The following MYL12B variants were observed in gnomAD, a reference collection of about 807,000 sequenced individuals.
MYL12B encodes the protein myosin regulatory light chain 12B.
A neutral mutation model predicts 12.9 loss-of-function variants in MYL12B; 3 were observed. The observed-to-expected ratio is 0.23, with a 90% CI of 0.11 to 0.60. The LOEUF (loss-of-function observed/expected upper bound fraction) is 0.60, where lower values mean the gene tolerates loss of function less well. Ranked by LOEUF, MYL12B falls within the 20% of genes least tolerant of loss-of-function variation. The pLI is 0.89. For missense variants in MYL12B, 120 were observed against 215.4 expected (o/e 0.56, Z 2.77); for synonymous variants, 57 against 71.9 (o/e 0.79, Z 1.05).
intron 1 of MYL12B, among the ~76,000 whole-genome samples, chr18:3,269,020 A>G (rs1419300085): frequency 1.3e-5 from 2 of 152,280 alleles, no homozygotes; most frequent in East Asian, 1.9e-4. Flanking sequence ...GAAAAATAGC[A>G]GGAACAAAGA....
intron 2 of MYL12B, among the ~76,000 whole-genome samples, chr18:3,273,649 C>T (rs1396587474): frequency 6.6e-6 from 1 of 152,112 alleles, no homozygotes; most frequent in African/African-American, 2.4e-5. Flanking sequence ...TGTTTCTTAA[C>T]ATGCATCCTA....
intron 1 of MYL12B, among the ~76,000 whole-genome samples, chr18:3,263,448 T>G (rs189418491): frequency 6.6e-6 from 1 of 152,208 alleles, no homozygotes; most frequent in African/African-American, 2.4e-5. Context: ...TCCTGGACTT[T>G]ATAACTAAGA....
chr18:3,276,766 G>T (rs2081734981), intron 2 of MYL12B, among the ~76,000 whole-genome samples: 1 of 152,094 alleles, frequency 6.6e-6, no homozygotes, highest in Non-Finnish European at 1.5e-5. Context: ...GCCGGGCGCG[G>T]TGATGCACGC....
At chr18:3,265,764 A>G (rs892140070) in intron 1 of MYL12B, among the ~76,000 whole-genome samples, 1 of 152,212 alleles carries the variant, frequency 6.6e-6, no homozygotes, top group Non-Finnish European at 1.5e-5. Flanking sequence ...AATAACTAGC[A>G]AATCAGGAAG....
At chr18:3,268,974 C>T (rs937126683) in intron 1 of MYL12B, among the ~76,000 whole-genome samples, 2 of 152,008 alleles carry the variant, frequency 1.3e-5, no homozygotes, top group African/African-American at 4.8e-5. Flanking sequence ...CTCTCTGTTC[C>T]TAAGGCAGAG....
At chr18:3,268,805 C>G (rs2081654444) in intron 1 of MYL12B, among the ~76,000 whole-genome samples, 1 of 152,190 alleles carries the variant, frequency 6.6e-6, no homozygotes, top group African/African-American at 2.4e-5. Flanking sequence ...AATCCTAGCT[C>G]TGCCACTAGG....
chr18:3,266,126 G>A (rs571411409), intron 1 of MYL12B, among the ~76,000 whole-genome samples: 1 of 152,270 alleles, frequency 6.6e-6, no homozygotes, highest in East Asian at 1.9e-4. Flanking sequence ...ATTTTTGAGG[G>A]TCAGAGCCAG....
chr18:3,269,932 C>T (rs2081664145), intron 1 of MYL12B, among the ~76,000 whole-genome samples: 1 of 152,192 alleles, frequency 6.6e-6, no homozygotes, highest in South Asian at 2.1e-4. Flanking sequence ...GGTTGGGACC[C>T]TTTCCACCTG....
At chr18:3,264,218 A>G (rs1217859131) in intron 1 of MYL12B, among the ~76,000 whole-genome samples, 1 of 152,180 alleles carries the variant, frequency 6.6e-6, no homozygotes, top group Non-Finnish European at 1.5e-5. Flanking sequence ...TGTAATGAAC[A>G]TATATGTGTA....
Position 3,278,062 on chromosome 18 carries a change from A to G in MYL12B, c.*125A>G. On this transcript the variant is annotated 3_prime_UTR_variant, in exon 4 of 4. Coordinates refer to ENST00000237500, the MANE Select transcript of MYL12B (RefSeq NM_033546.4). The stretch of plus-strand genomic sequence containing the variant: ...TTCACAGCTTTGCCTCTTCTTTTTG[A>G]TGTATTTATTCCAGACCTTTCTGCC... 1 of 1,237,122 alleles carries G rather than the reference A, an allele frequency of 8.1e-7. No homozygotes were observed. The allele number at this position is 1,237,122 out of a possible 1,614,324, so 76.6% of individuals were successfully genotyped here. A position where few individuals can be genotyped will look rare whatever the true frequency, so the allele number is the denominator to read the frequency against.
intron 1 of MYL12B, among the ~76,000 whole-genome samples, chr18:3,263,441 T>G (rs2081610894): frequency 6.6e-6 from 1 of 152,214 alleles, no homozygotes; most frequent in South Asian, 2.1e-4. Context: ...TGGACCCTCC[T>G]GGACTTTATA....
Position 3,277,992 on chromosome 18 carries a change from A to G in MYL12B, c.*55A>G. Reference sequence around the variant, plus strand: ...ATTGTCTTACTCTCTTTTACTTCTCAGACACTTCCCCCACCCTCATAGAAC... The same window carrying G: ...ATTGTCTTACTCTCTTTTACTTCTCGGACACTTCCCCCACCCTCATAGAAC... On this transcript the variant is annotated 3_prime_UTR_variant, in exon 4 of 4. Transcript: ENST00000237500. 6.3e-7 allele frequency: 1 copy of G among 1,576,590 alleles called. No homozygotes were observed. The highest frequency in any genetic ancestry group is 1.8e-5 in the Admixed American group (1 of 54,532).
chr18:3,273,155 C>T (rs7407045), intron 2 of MYL12B, 73 bp downstream of exon 2: 1,402,438 of 1,444,320 alleles, frequency 0.97, 681,384 homozygotes, highest in Non-Finnish European at 0.98. Context: ...TTTTTTTGTG[C>T]GATGTACAAA....
rs1284748255 is a variant in MYL12B at position 3,278,435 on chromosome 18, C to T, written c.*498C>T. On this transcript the variant is annotated 3_prime_UTR_variant, in exon 4 of 4. Coordinates refer to ENST00000237500, the MANE Select transcript of MYL12B (RefSeq NM_033546.4). Reference sequence around the variant, plus strand: ...TTAAGTACCCTTTAACATTATTATGCAGTAAAAACTAGTTATGCCATTGTT... The same window carrying T: ...TTAAGTACCCTTTAACATTATTATGTAGTAAAAACTAGTTATGCCATTGTT... 1.6e-5 allele frequency among the ~76,000 whole-genome samples: 2 copies of T among 124,018 alleles called. No individual in the cohort carries two copies. The allele number at this position is 124,018 out of a possible 152,430, so 81.4% of individuals were successfully genotyped here. A position where few individuals can be genotyped will look rare whatever the true frequency, so the allele number is the denominator to read the frequency against.
intron 1 of MYL12B, chr18:3,272,190 T>A (rs2081684627): frequency 9.7e-6 from 8 of 827,968 alleles, no homozygotes; most frequent in Non-Finnish European, 1.1e-5. Context: ...CTAGTCTTTT[T>A]ACATATGTTA....
chr18:3,269,648 G>A (rs2081661651), intron 1 of MYL12B, among the ~76,000 whole-genome samples: 1 of 152,226 alleles, frequency 6.6e-6, no homozygotes, highest in Admixed American at 6.5e-5. Flanking sequence ...AGGCCTGGAG[G>A]TTCGGATTTA....
chr18:3,269,454 T>C (rs1263384720), intron 1 of MYL12B, among the ~76,000 whole-genome samples: 1 of 151,966 alleles, frequency 6.6e-6, no homozygotes, highest in African/African-American at 2.4e-5. Context: ...GGGAGAGGGA[T>C]TGGGGAGGGT....
chr18:3,277,754 T>C lies in MYL12B; in HGVS notation c.347-11T>C. 1.2e-6 allele frequency: 2 copies of C among 1,601,584 alleles called. No homozygotes were observed. The highest frequency in any genetic ancestry group is 8.5e-7 in the Non-Finnish European group (1 of 1,176,812). On this transcript the variant is annotated splice_polypyrimidine_tract_variant and intron_variant, in intron 3 of 3. Coordinates refer to ENST00000237500, the MANE Select transcript of MYL12B (RefSeq NM_033546.4). ...ATTGATGACTGCTTTCTTCTTTCTA[T>C]TGTCTTCCAGGCACCATTCAGGAAG...
At chr18:3,272,601 T>G (rs890637378) in intron 1 of MYL12B, among the ~76,000 whole-genome samples, 1 of 152,208 alleles carries the variant, frequency 6.6e-6, no homozygotes, top group Non-Finnish European at 1.5e-5. Context: ...TAGTCTCAAG[T>G]GAGCCTCCCA....
Sources: gnomAD v4.1 joint callset for allele counts (sites outside exome capture counted in the v4.1 genomes callset) on GRCh38, gnomAD v4.1.1 for gene constraint, MANE v1.5 for transcripts, NCBI Gene and HGNC (gene_info 2026-07-23, HGNC 2026-07-21) for gene names.